The following UBR4 variants were observed in gnomAD, a reference collection of about 807,000 sequenced individuals.
UBR4 encodes E3 ubiquitin-protein ligase UBR4.
Under a neutral mutation model 575.6 loss-of-function variants are expected in UBR4, and 124 were observed. The ratio of observed to expected loss-of-function variants is 0.22; its 90% CI spans 0.19 to 0.25. UBR4 has a LOEUF of 0.25. Ranked by LOEUF, UBR4 falls within the 10% of genes least tolerant of loss-of-function variation. The pLI is 1.00. For missense variants in UBR4, 4,818 were observed against 6,478.8 expected, an observed-to-expected ratio of 0.74 and a Z score of 8.80; for synonymous variants, 2,455 against 2,473.7, an observed-to-expected ratio of 0.99 and a Z score of 0.22.
chr1:19,197,645 G>C (rs2092543447), intron 7 of UBR4, 25 bp downstream of exon 7: 3 of 1,612,044 alleles, frequency 1.9e-6, no homozygotes, highest in African/African-American at 1.3e-5. Context: ...AAAAAGTAAA[G>C]CATGTGCACT....
Position 19,093,493 on chromosome 1 carries a change from G to A in UBR4, c.13938-7C>T, listed in dbSNP as rs779329343. 6.8e-6 allele frequency: 11 copies of A among 1,613,668 alleles called. No individual in the cohort carries two copies. Among genetic ancestry groups the A allele is most frequent in the Non-Finnish European group, 3.4e-6 (4 of 1,179,820 alleles). ...ACTGTGATCTTCATCATATCTAGGA[G>A]GAAAGAGCAGAGTTTGAGGGTGTGA... On this transcript the variant is annotated splice_polypyrimidine_tract_variant and splice_region_variant and intron_variant, in intron 95 of 105. Transcript: ENST00000375254. The surrounding 1 kb of genome is among the most constrained non-coding windows in gnomAD (Gnocchi z 4.8).
At chr1:19,078,317 C>A in intron 103 of UBR4, 1 of 426,904 alleles carries the variant, frequency 2.3e-6, no homozygotes, top group Non-Finnish European at 4.3e-6. Context: ...TCTTCCAGAT[C>A]AGGGTAAAAT....
Position 19,152,044 on chromosome 1 carries a change from T to C in UBR4, c.6997-185A>G, listed in dbSNP as rs182529047. On this transcript the variant is annotated intron_variant, in intron 47 of 105. Coordinates refer to ENST00000375254, the MANE Select transcript of UBR4 (RefSeq NM_020765.3). The surrounding 1 kb of genome is among the most constrained non-coding windows in gnomAD (Gnocchi z 4.4). ...GGAAAAGAGAGCAGATTCTCTTCAA[T>C]GTCAGGCTTCCTTCTCCCCAGTATT... is the stretch of plus-strand genomic sequence containing the variant. 2.6e-5 allele frequency among the ~76,000 whole-genome samples: 4 copies of C among 152,342 alleles called. No homozygotes were observed. Among genetic ancestry groups the C allele is most frequent in the African/African-American group, 4.8e-5 (2 of 41,590 alleles).
intron 85 of UBR4, 120 bp from the exon 86 acceptor site, chr1:19,104,786 C>G: frequency 8.3e-7 from 1 of 1,199,458 alleles, no homozygotes; most frequent in Non-Finnish European, 1.2e-6. Context: ...CTTAATCGAA[C>G]CCTTGCAGAA....
chr1:19,166,952 C>T, intron 29 of UBR4, 70 bp downstream of exon 29: 1 of 1,510,438 alleles, frequency 6.6e-7, no homozygotes. Flanking sequence ...CTAAAGGCAG[C>T]AGTGTTAGTA....
intron 17 of UBR4, among the ~76,000 whole-genome samples, chr1:19,180,167 A>T (rs1339273806): frequency 6.6e-6 from 1 of 151,990 alleles, no homozygotes; most frequent in African/African-American, 2.4e-5. Context: ...AGCCAGGTTT[A>T]TCTCTAAAAC....
intron 1 of UBR4, among the ~76,000 whole-genome samples, chr1:19,205,186 T>A (rs2092944805): frequency 3.3e-5 from 5 of 152,088 alleles, no homozygotes; most frequent in Admixed American, 2.6e-4. Flanking sequence ...CAAATAAATG[T>A]GATGCAGAGT....
intron 8 of UBR4, among the ~76,000 whole-genome samples, chr1:19,195,777 A>G (rs997546545): frequency 2.0e-5 from 3 of 152,102 alleles, no homozygotes; most frequent in Non-Finnish European, 4.4e-5. Context: ...ACACCAAAAT[A>G]CCTTGTACAG....
rs552734718 is a variant in UBR4 at position 19,100,079 on chromosome 1, G to T, written c.13221+297C>A. Reference sequence around the variant, plus strand: ...GGGGCTCAGGTAACTCAGACTCACCGAGAAGTCTCTGCCAGAGGCAATAAC... The same window carrying T: ...GGGGCTCAGGTAACTCAGACTCACCTAGAAGTCTCTGCCAGAGGCAATAAC... On this transcript the variant is annotated intron_variant, in intron 89 of 105. Coordinates refer to ENST00000375254, the MANE Select transcript of UBR4 (RefSeq NM_020765.3). This position sits in a 1 kb window ranked among gnomAD's most constrained non-coding sequence, Gnocchi z 4.2. The T allele has an allele frequency of 1.5e-5, 7 of 463,376 alleles. No individual in the cohort carries two copies. Among genetic ancestry groups the T allele is most frequent in the South Asian group, 6.8e-5 (2 of 29,440 alleles). 28.7% of individuals were successfully genotyped at this position (463,376 alleles called of 1,614,324 possible).
chr1:19,177,819 A>T, intron 18 of UBR4, 76 bp from the exon 19 acceptor site: 1 of 1,485,002 alleles, frequency 6.7e-7, no homozygotes, highest in Non-Finnish European at 9.1e-7. Context: ...AAGCACTAGA[A>T]GAGTTAAATT....
chr1:19,125,424 C>A (rs1453831259), intron 64 of UBR4, among the ~76,000 whole-genome samples: 2 of 152,184 alleles, frequency 1.3e-5, no homozygotes, highest in Non-Finnish European at 2.9e-5. Context: ...CAGGACAAGG[C>A]TCTCTTGAGC....
At chr1:19,092,470 A>G (rs78936664) in intron 97 of UBR4, among the ~76,000 whole-genome samples, 3 of 151,434 alleles carry the variant, frequency 2.0e-5, no homozygotes, top group African/African-American at 7.4e-5. Flanking sequence ...CCTAAGAACA[A>G]GGGGTTCAGC....
intron 55 of UBR4, among the ~76,000 whole-genome samples, chr1:19,143,243 GAAGGAAGGAAGGAAGGAAGAAAGAAAGA>G (rs1360732026): frequency 2.1e-4 from 27 of 131,418 alleles, no homozygotes; most frequent in African/African-American, 7.3e-4. Context: ...AGGCAGGAAG[GAAGGAAGGAAGGAAGGAAGAAAGAAAGA>G]AAGAAAGAAA....
At chr1:19,147,054 A>C in intron 51 of UBR4, 54 bp from the exon 52 acceptor site, 1 of 1,510,674 alleles carries the variant, frequency 6.6e-7, no homozygotes, top group Non-Finnish European at 8.9e-7. Flanking sequence ...CTGGGTACAA[A>C]AGCAAAGAGG....
At position 19,187,284 on chromosome 1, in the gene UBR4, G is replaced by T. The variant is rs1363241085; in HGVS notation, c.1512C>A (p.Gly504=). 2.5e-6 allele frequency: 4 copies of T among 1,613,430 alleles called. No homozygotes were observed. The highest frequency in any genetic ancestry group is 3.4e-6 in the Non-Finnish European group (4 of 1,179,710). ...EALHKGWETD[G]PPAALSIMAQ... ...CCATAATGCTCAAGGCTGCAGGGGG[G>T]CCATCTGTCTCCCAACCCTGAAGGC... is the stretch of plus-strand genomic sequence containing the variant. The change falls in exon 13 of 106, where the codon GGC becomes GGA. Residue 504 remains glycine, a synonymous_variant. Transcript: ENST00000375254.
At position 19,141,672 on chromosome 1, in the gene UBR4, A is replaced by G; in HGVS notation, c.8285T>C (p.Val2762Ala). ...IRQESQEQSE[V>A]DHGDFEMVSE... ...CACCATCTCAAAATCTCCATGGTCC[A>G]CCTCACTCTGTTCCTGGCTTTCCTG... Residue 2762 changes from valine to alanine, a missense_variant, in exon 56 of 106, where the codon GTG becomes GCG. Coordinates refer to ENST00000375254, the MANE Select transcript of UBR4 (RefSeq NM_020765.3). 1.2e-6 allele frequency: 2 copies of G among 1,614,196 alleles called. No individual in the cohort carries two copies. The highest frequency in any genetic ancestry group is 2.2e-5 in the South Asian group (2 of 91,088).
chr1:19,144,208 T>C lies in UBR4; in HGVS notation c.8068-117A>G, dbSNP rs2084514956. The C allele has an allele frequency of 6.9e-6, 6 of 866,686 alleles. No individual in the cohort carries two copies. The Admixed American group carries it at 1.1e-4, about 15-fold the overall frequency. The allele number at this position is 866,686 out of a possible 1,614,324, so 53.7% of individuals were successfully genotyped here. A position where few individuals can be genotyped will look rare whatever the true frequency, so the allele number is the denominator to read the frequency against. ...ATGCAAGTGGAATACCTCTCTACTC[T>C]CACCTGCAACCCAGCGGACCAAGTT... On this transcript the variant is annotated intron_variant, in intron 54 of 105. Coordinates refer to ENST00000375254, the MANE Select transcript of UBR4 (RefSeq NM_020765.3).
chr1:19,155,500 C>T lies in UBR4; in HGVS notation c.6241G>A (p.Ala2081Thr). 6.2e-7 allele frequency: 1 copy of T among 1,614,166 alleles called. No homozygotes were observed. Among genetic ancestry groups the T allele is most frequent in the Non-Finnish European group, 8.5e-7 (1 of 1,180,018 alleles). The change falls in exon 43 of 106, where the codon GCC becomes ACC. Residue 2081 changes from alanine to threonine, a missense_variant. This residue lies in a region of UBR4 where 461 missense variants were observed against 606.9 expected (regional missense o/e 0.76). Transcript: ENST00000375254. ...YTQLMEEASSAQQGPFYVTNV... is the reference protein window; with the variant it reads ...YTQLMEEASSTQQGPFYVTNV... ...GTGACATAGAAGGGTCCCTGCTGGG[C>T]ACTGCTGGCCTCTTCCATAAGCTGA... is the stretch of plus-strand genomic sequence containing the variant.
chr1:19,122,144 G>C, intron 66 of UBR4, 132 bp from the exon 67 acceptor site: 1 of 863,910 alleles, frequency 1.2e-6, no homozygotes, highest in Non-Finnish European at 1.9e-6. Flanking sequence ...CAAGGCAGAT[G>C]CTTGCTGAGA....
Sources: gnomAD v4.1 joint callset for allele counts (sites outside exome capture counted in the v4.1 genomes callset) on GRCh38, gnomAD v4.1.1 for gene constraint, gnomAD v4.1.1 regional missense constraint, Gnocchi (gnomAD v3.1) non-coding constraint, MANE v1.5 for transcripts, NCBI Gene and HGNC (gene_info 2026-07-23, HGNC 2026-07-21) for gene names.